SDK1: variants seen among roughly 807,000 people sequenced by gnomAD.
The protein encoded by SDK1 is protein sidekick-1.
Under a neutral mutation model 245.5 loss-of-function variants are expected in SDK1, and 157 were observed. That is an observed-to-expected ratio of 0.64 (90% CI 0.56 to 0.73). SDK1 has a LOEUF of 0.73. SDK1 is among the 30% of genes least tolerant of loss of function. The probability of loss-of-function intolerance (pLI) is 0.00; values close to 1 mark genes in which losing one functional copy is unlikely to be tolerated. For synonymous variants in SDK1, 1,647 were observed against 1,278.5 expected (o/e 1.29, Z -6.15); for missense variants, 3,583 against 3,002.3 (o/e 1.19, Z -4.52).
chr7:3,531,982 C>A (rs1430677499), intron 1 of SDK1, among the ~76,000 whole-genome samples: 1 of 152,170 alleles, frequency 6.6e-6, no homozygotes, highest in African/African-American at 2.4e-5. Flanking sequence ...ATGGAATTTT[C>A]CAGGTAACTG....
At chr7:3,770,665 T>C (rs532153432) in intron 4 of SDK1, among the ~76,000 whole-genome samples, 1 of 152,194 alleles carries the variant, frequency 6.6e-6, no homozygotes, top group African/African-American at 2.4e-5. Flanking sequence ...TGTGTGTTGG[T>C]GAGAAAGGAG....
intron 5 of SDK1, among the ~76,000 whole-genome samples, chr7:3,848,265 C>A (rs1330221435): frequency 6.6e-6 from 1 of 152,144 alleles, no homozygotes; most frequent in Admixed American, 6.5e-5. Flanking sequence ...TTTTGGGGTC[C>A]TGATGAAAGG....
intron 5 of SDK1, among the ~76,000 whole-genome samples, chr7:3,857,136 A>G (rs1780567228): frequency 6.6e-6 from 1 of 152,166 alleles, no homozygotes; most frequent in African/African-American, 2.4e-5. Flanking sequence ...ACTTATCTAA[A>G]TAGAGGAAAT....
At chr7:3,365,209 G>A (rs1781058460) in intron 1 of SDK1, among the ~76,000 whole-genome samples, 2 of 152,192 alleles carry the variant, frequency 1.3e-5, no homozygotes, top group African/African-American at 4.8e-5. Flanking sequence ...TACAGGAGTA[G>A]ATTGTTTGCT....
chr7:3,346,300 C>T (rs1379139685), intron 1 of SDK1, among the ~76,000 whole-genome samples: 1 of 152,068 alleles, frequency 6.6e-6, no homozygotes, highest in African/African-American at 2.4e-5. Context: ...GACCTTTCCC[C>T]TTCACTGAGA....
intron 4 of SDK1, among the ~76,000 whole-genome samples, chr7:3,662,300 A>G (rs1783389506): frequency 1.3e-5 from 2 of 152,276 alleles, no homozygotes; most frequent in South Asian, 4.1e-4. Context: ...AACATCTCAC[A>G]ATACTCTTCA....
chr7:3,381,081 T>A (rs534321035), intron 1 of SDK1, among the ~76,000 whole-genome samples: 3 of 152,148 alleles, frequency 2.0e-5, no homozygotes, highest in Non-Finnish European at 2.9e-5. Context: ...GAGGTGGTAA[T>A]TGAAGTCAAG....
chr7:3,573,528 T>A (rs999349260), intron 1 of SDK1, among the ~76,000 whole-genome samples: 8 of 152,194 alleles, frequency 5.3e-5, no homozygotes, highest in African/African-American at 1.9e-4. Flanking sequence ...AACAACAGCC[T>A]CCACGTGTGC....
intron 4 of SDK1, among the ~76,000 whole-genome samples, chr7:3,667,518 A>G (rs948526800): frequency 2.0e-5 from 3 of 152,226 alleles, no homozygotes; most frequent in Non-Finnish European, 2.9e-5. Flanking sequence ...TTTGACAAAC[A>G]TACAGTGTTG....
intron 5 of SDK1, among the ~76,000 whole-genome samples, chr7:3,858,394 A>T (rs546766937): frequency 2.0e-5 from 3 of 152,270 alleles, no homozygotes; most frequent in African/African-American, 7.2e-5. Flanking sequence ...TCAAAAAAAC[A>T]AAACTGCAAA....
intron 2 of SDK1, among the ~76,000 whole-genome samples, 180 bp downstream of exon 2, chr7:3,619,419 G>T (rs562407129): frequency 1.3e-5 from 2 of 152,330 alleles, no homozygotes; most frequent in South Asian, 4.1e-4. Flanking sequence ...GATATAGGTT[G>T]TACTTACACC....
Position 3,411,910 on chromosome 7 carries a change from C to T in SDK1, c.298+110026C>T, listed in dbSNP as rs187914398. Among the ~76,000 whole-genome samples, 10 of 152,162 alleles carry T rather than the reference C, an allele frequency of 6.6e-5. No individual in the cohort carries two copies. In the East Asian group the frequency reaches 1.3e-3, roughly 21 times the overall value. ...AAGAAGGGTATATTGCAGGTTCTTACGGGTATTCCTAGGAAGAAGAAATGA... is the reference window on the plus strand; with the variant it reads ...AAGAAGGGTATATTGCAGGTTCTTATGGGTATTCCTAGGAAGAAGAAATGA... On this transcript the variant is annotated intron_variant, in intron 1 of 44. Transcript: ENST00000404826.
intron 1 of SDK1, among the ~76,000 whole-genome samples, chr7:3,359,271 G>A (rs544711740): frequency 4.6e-5 from 7 of 152,294 alleles, no homozygotes; most frequent in African/African-American, 1.4e-4. Context: ...GCAGAGCCCG[G>A]AGGCTTGAGC....
At chr7:3,743,134 G>C (rs1241126632) in intron 4 of SDK1, among the ~76,000 whole-genome samples, 1 of 152,190 alleles carries the variant, frequency 6.6e-6, no homozygotes, top group African/African-American at 2.4e-5. Flanking sequence ...TTGAATGGGA[G>C]AGTAATACGT....
intron 39 of SDK1, 90 bp from the exon 40 acceptor site, chr7:4,221,149 G>T (rs996389677): frequency 2.3e-5 from 34 of 1,499,866 alleles, no homozygotes; most frequent in Non-Finnish European, 2.1e-5. Flanking sequence ...AGCCTCGACC[G>T]GTCTGACCCC....
chr7:3,935,164 A>AG (rs1414919933), intron 5 of SDK1, among the ~76,000 whole-genome samples: 1 of 152,204 alleles, frequency 6.6e-6, no homozygotes, highest in African/African-American at 2.4e-5. Context: ...GGTGAGTGCC[A>AG]GGGACGATGG....
intron 9 of SDK1, among the ~76,000 whole-genome samples, chr7:3,963,109 AC>A (rs1477206669): frequency 3.1e-5 from 4 of 130,594 alleles, no homozygotes; most frequent in Admixed American, 2.2e-4. Flanking sequence ...CAGTGGGTAC[AC>A]CCAGGCTCAC....
At chr7:3,966,077 A>G (rs2128131126) in intron 9 of SDK1, among the ~76,000 whole-genome samples, 1 of 152,066 alleles carries the variant, frequency 6.6e-6, no homozygotes, top group Admixed American at 6.5e-5. Context: ...GTAGCTTTCA[A>G]AGGGCAGCCC....
chr7:4,107,642 C>T (rs567037134), intron 22 of SDK1, among the ~76,000 whole-genome samples: 2 of 152,164 alleles, frequency 1.3e-5, no homozygotes, highest in Admixed American at 6.5e-5. Flanking sequence ...GCATTCAACA[C>T]GGAGGCACTT....
Sources: gnomAD v4.1 joint callset for allele counts (sites outside exome capture counted in the v4.1 genomes callset) on GRCh38, gnomAD v4.1.1 for gene constraint, MANE v1.5 for transcripts, NCBI Gene and HGNC (gene_info 2026-07-23, HGNC 2026-07-21) for gene names.